NQO1: variants seen among roughly 807,000 people sequenced by gnomAD.
NQO1 encodes the protein NAD(P)H quinone dehydrogenase 1.
A neutral mutation model predicts 32.1 loss-of-function variants in NQO1; 30 were observed. That is an observed-to-expected ratio of 0.94 (90% CI 0.70 to 1.27). The LOEUF (loss-of-function observed/expected upper bound fraction) is 1.27. NQO1 is among the 50% of genes most tolerant of loss of function. NQO1 has a pLI of 0.00. For synonymous variants in NQO1, 109 were observed against 119.7 expected (o/e 0.91, Z 0.59); for missense variants, 276 against 331.3 (o/e 0.83, Z 1.30).
intron 3 of NQO1, among the ~76,000 whole-genome samples, chr16:69,715,521 C>G (rs534791730): frequency 2.0e-5 from 3 of 152,270 alleles, no homozygotes; most frequent in Admixed American, 2.0e-4. Flanking sequence ...TAATCCCAGC[C>G]CTTTGGGAGG....
intron 1 of NQO1, among the ~76,000 whole-genome samples, chr16:69,722,026 C>A (rs577286174): frequency 1.0e-3 from 159 of 151,932 alleles, no homozygotes; most frequent in Non-Finnish European, 1.3e-3. Flanking sequence ...CAACAGCGTA[C>A]AAGGGCATAG....
At chr16:69,721,425 A>C (rs1597603259) in intron 1 of NQO1, among the ~76,000 whole-genome samples, 1 of 152,280 alleles carries the variant, frequency 6.6e-6, no homozygotes, top group Non-Finnish European at 1.5e-5. Flanking sequence ...AGGACGCAGC[A>C]TTCCTCCAAA....
At chr16:69,724,575 A>T (rs1244707299) in intron 1 of NQO1, among the ~76,000 whole-genome samples, 1 of 151,188 alleles carries the variant, frequency 6.6e-6, no homozygotes, top group Non-Finnish European at 1.5e-5. Flanking sequence ...GGTGGCACAC[A>T]CCTGTAGTCC....
intron 3 of NQO1, among the ~76,000 whole-genome samples, chr16:69,717,624 G>C (rs1012783789): frequency 9.8e-6 from 1 of 102,142 alleles, no homozygotes; most frequent in African/African-American, 3.7e-5. Context: ...TTTTTTTTTT[G>C]AGACAGAATC....
chr16:69,721,057 T>G (rs2038182649), intron 1 of NQO1, among the ~76,000 whole-genome samples: 1 of 151,086 alleles, frequency 6.6e-6, no homozygotes, highest in Admixed American at 6.6e-5. Flanking sequence ...TTTTTTTTTT[T>G]TTGTAGAGAC....
At chr16:69,715,628 C>T (rs1035556872) in intron 3 of NQO1, among the ~76,000 whole-genome samples, 4 of 151,774 alleles carry the variant, frequency 2.6e-5, no homozygotes, top group South Asian at 2.1e-4. Flanking sequence ...ATCAACCGGG[C>T]GTGGTGGCGC....
At position 69,718,360 on chromosome 16, in the gene NQO1, C is replaced by T. The variant is rs376985187; in HGVS notation, c.172+10G>A. 5.6e-6 allele frequency: 9 copies of T among 1,613,964 alleles called. No homozygotes were observed. The African/African-American group carries it at 1.1e-4, about 19-fold the overall frequency. On this transcript the variant is annotated intron_variant, in intron 2 of 5. Transcript: ENST00000320623. ...AACTAATTAAAGAGGGGAGGAGGAA[C>T]TCCTCCTACCTGTGATGTCCTTTCT...
rs1201426895 is a variant in NQO1, at chr16:69,709,597, A to G, written c.*1379T>C. ...AAAGGAGGTTTTCCAGCTCGGTCCA[A>G]TCCCTTCATTTTCTTGGCAAGTAAG... On this transcript the variant is annotated 3_prime_UTR_variant, in exon 6 of 6. Transcript: ENST00000320623. 3 of 393,060 alleles carry G rather than the reference A, an allele frequency of 7.6e-6. No homozygotes were observed. Among genetic ancestry groups the G allele is most frequent in the African/African-American group, 2.1e-5 (1 of 48,532 alleles). The allele number at this position is 393,060 out of a possible 1,614,324, so 24.3% of individuals were successfully genotyped here.
At position 69,710,838 on chromosome 16, in the gene NQO1, G is replaced by A. The variant is rs534592335; in HGVS notation, c.*138C>T. Reference sequence around the variant, plus strand: ...AGTTAAAAATGATCCAAAAATGCACGAATACAGTCGATTCCCTCTCATTTA... The same window carrying A: ...AGTTAAAAATGATCCAAAAATGCACAAATACAGTCGATTCCCTCTCATTTA... On this transcript the variant is annotated 3_prime_UTR_variant, in exon 6 of 6. Transcript: ENST00000320623. 16 of 956,336 alleles carry A rather than the reference G, an allele frequency of 1.7e-5. No homozygotes were observed. The highest frequency in any genetic ancestry group is 1.2e-4 in the South Asian group (7 of 56,386). 59.2% of individuals were successfully genotyped at this position (956,336 alleles called of 1,614,324 possible).
At chr16:69,720,479 G>A (rs1429184993) in intron 1 of NQO1, among the ~76,000 whole-genome samples, 2 of 151,496 alleles carry the variant, frequency 1.3e-5, no homozygotes, top group Non-Finnish European at 2.9e-5. Context: ...ACATATATTT[G>A]TATGTAGACT....
At chr16:69,720,997 C>A (rs2038181463) in intron 1 of NQO1, among the ~76,000 whole-genome samples, 1 of 151,842 alleles carries the variant, frequency 6.6e-6, no homozygotes, top group South Asian at 2.1e-4. Flanking sequence ...CCTCCCACCT[C>A]AGCCTCCTGA....
chr16:69,718,572 T>C (rs1328735316), intron 1 of NQO1, 38 bp from the exon 2 acceptor site: 2 of 1,600,078 alleles, frequency 1.2e-6, no homozygotes, highest in African/African-American at 1.3e-5. Context: ...GGAAAACCCA[T>C]TACCAACCAG....
At position 69,711,123 on chromosome 16, in the gene NQO1, G is replaced by A. The variant is rs1389774708; in HGVS notation, c.678C>T (p.Ser226=). Residue 226 remains serine, a synonymous_variant, in exon 6 of 6, where the codon AGC becomes AGT. Transcript: ENST00000320623. ...CCTGGAAGTTTAGGTCAAAGAGGCT[G>A]CTTGGAGCAAAATACAGTGGTGTCT... The part of the protein sequence containing the change: ...WDETPLYFAP[S]SLFDLNFQAG... The A allele has an allele frequency of 6.2e-7, 1 of 1,614,058 alleles. No individual in the cohort carries two copies. The highest frequency in any genetic ancestry group is 1.3e-5 in the African/African-American group (1 of 74,928).
At chr16:69,719,631 G>A (rs368179101) in intron 1 of NQO1, among the ~76,000 whole-genome samples, 1 of 151,922 alleles carries the variant, frequency 6.6e-6, no homozygotes, top group East Asian at 1.9e-4. Context: ...AAATTAGCTG[G>A]GTGTGGTAGC....
At chr16:69,720,647 C>T (rs990280922) in intron 1 of NQO1, among the ~76,000 whole-genome samples, 2 of 151,654 alleles carry the variant, frequency 1.3e-5, no homozygotes, top group Admixed American at 1.3e-4. Flanking sequence ...TCTCCTGCCT[C>T]AGCATCCCCA....
At chr16:69,720,992 C>T (rs1269065489) in intron 1 of NQO1, among the ~76,000 whole-genome samples, 1 of 151,956 alleles carries the variant, frequency 6.6e-6, no homozygotes. Flanking sequence ...GCTATCCTCC[C>T]ACCTCAGCCT....
At position 69,726,506 on chromosome 16, in the gene NQO1, C is replaced by G; in HGVS notation, c.-67G>C. 1 of 1,590,724 alleles carries G rather than the reference C, an allele frequency of 6.3e-7. No homozygotes were observed. Among genetic ancestry groups the G allele is most frequent in the Non-Finnish European group, 8.5e-7 (1 of 1,174,352 alleles). On this transcript the variant is annotated 5_prime_UTR_variant, in exon 1 of 6. Transcript: ENST00000320623. ...GTTGCCGGGGCGACCCTGGCCGGAA[C>G]TAGGCTCTCGGTGAGCTGGGCGGCT... is the stretch of plus-strand genomic sequence containing the variant.
intron 1 of NQO1, among the ~76,000 whole-genome samples, 190 bp downstream of exon 1, chr16:69,726,243 G>A (rs1324777544): frequency 1.3e-5 from 2 of 152,028 alleles, no homozygotes; most frequent in African/African-American, 4.8e-5. Flanking sequence ...AAGGATCCGC[G>A]ACACCGGATA....
At position 69,726,543 on chromosome 16, in the gene NQO1, C is replaced by T; in HGVS notation, c.-104G>A. On this transcript the variant is annotated 5_prime_UTR_variant, in exon 1 of 6. Transcript: ENST00000320623. ...TGAGCTGGGCGGCTCCGGCTGCAAC[C>T]TTGTGGGAGTCGCGTGTGTAGTGCA... is the stretch of plus-strand genomic sequence containing the variant. The T allele has an allele frequency of 1.3e-6, 2 of 1,504,346 alleles. No homozygotes were observed. The highest frequency in any genetic ancestry group is 1.8e-6 in the Non-Finnish European group (2 of 1,109,848). The allele number at this position is 1,504,346 out of a possible 1,614,324, so 93.2% of individuals were successfully genotyped here.
Sources: gnomAD v4.1 joint callset for allele counts (sites outside exome capture counted in the v4.1 genomes callset) on GRCh38, gnomAD v4.1.1 for gene constraint, MANE v1.5 for transcripts, NCBI Gene and HGNC (gene_info 2026-07-23, HGNC 2026-07-21) for gene names.